SS18L1: variants seen among roughly 807,000 people sequenced by gnomAD.
SS18L1 encodes the protein SS18L1 subunit of BAF chromatin remodeling complex.
Under a neutral mutation model 70.3 loss-of-function variants are expected in SS18L1, and 32 were observed. The observed-to-expected ratio is 0.46, with a 90% CI of 0.34 to 0.61. The LOEUF is 0.61. SS18L1 is among the 20% of genes least tolerant of loss of function. The pLI is 0.01. For synonymous variants in SS18L1, 237 were observed against 229.7 expected, an observed-to-expected ratio of 1.03 and a Z score of -0.29; for missense variants, 430 against 542.1, an observed-to-expected ratio of 0.79 and a Z score of 2.05.
chr20:62,177,250 C>T (rs2057634991), intron 10 of SS18L1, among the ~76,000 whole-genome samples: 2 of 150,838 alleles, frequency 1.3e-5, no homozygotes, highest in East Asian at 1.9e-4. Context: ...TGTATTCCAG[C>T]ATGGGCAACA....
chr20:62,159,725 C>CTG lies in SS18L1; in HGVS notation c.147-148_147-147dup, dbSNP rs2057290283. 1.7e-5 allele frequency: 12 copies of CTG among 706,996 alleles called. No individual in the cohort carries two copies. Among genetic ancestry groups the CTG allele is most frequent in the Non-Finnish European group, 2.8e-5 (12 of 434,172 alleles). The allele number at this position is 706,996 out of a possible 1,614,324, so 43.8% of individuals were successfully genotyped here. On this transcript the variant is annotated intron_variant, in intron 2 of 10. Coordinates refer to ENST00000331758, the MANE Select transcript of SS18L1 (RefSeq NM_198935.3). This position sits in a 1 kb window ranked among gnomAD's most constrained non-coding sequence, Gnocchi z 4.4. ...GAGACCCCAGCACCCTGCCACCTGC[C>CTG]TGTGTCCAGCTGGGTGTCATCTGGG... is the stretch of plus-strand genomic sequence containing the variant.
intron 4 of SS18L1, among the ~76,000 whole-genome samples, chr20:62,162,357 A>G (rs1240127062): frequency 2.6e-5 from 4 of 152,048 alleles, no homozygotes; most frequent in Non-Finnish European, 4.4e-5. Flanking sequence ...CTGGAGTGCA[A>G]TGGGCATGAT....
chr20:62,174,854 C>G lies in SS18L1; in HGVS notation c.1164+210C>G. 1 of 1,442,892 alleles carries G rather than the reference C, an allele frequency of 6.9e-7. No homozygotes were observed. The highest frequency in any genetic ancestry group is 2.3e-5 in the Admixed American group (1 of 43,908). The allele number at this position is 1,442,892 out of a possible 1,614,324, so 89.4% of individuals were successfully genotyped here. A position where few individuals can be genotyped will look rare whatever the true frequency, so the allele number is the denominator to read the frequency against. ...CAGTCATCCAGCTGGCTTTTCATAC[C>G]CTAAGCTCACCGTTAGATCTGCACG... On this transcript the variant is annotated intron_variant, in intron 10 of 10. Transcript: ENST00000331758. This position sits in a 1 kb window ranked among gnomAD's most constrained non-coding sequence, Gnocchi z 4.1.
At position 62,179,243 on chromosome 20, in the gene SS18L1, C is replaced by A. The variant is rs778615184; in HGVS notation, c.*35C>A. 1 of 1,613,768 alleles carries A rather than the reference C, an allele frequency of 6.2e-7. No homozygotes were observed. On this transcript the variant is annotated 3_prime_UTR_variant, in exon 11 of 11. Coordinates refer to ENST00000331758, the MANE Select transcript of SS18L1 (RefSeq NM_198935.3). Reference sequence around the variant, plus strand: ...ATTCTGGCTGGAGCCCTTGTGGTAGCGTGTTCATCCAGGGGCCGGATGGGC... The same window carrying A: ...ATTCTGGCTGGAGCCCTTGTGGTAGAGTGTTCATCCAGGGGCCGGATGGGC...
chr20:62,167,722 G>C (rs899263962), intron 8 of SS18L1, among the ~76,000 whole-genome samples: 2 of 152,212 alleles, frequency 1.3e-5, no homozygotes, highest in African/African-American at 4.8e-5. Flanking sequence ...TCCATGGCGA[G>C]GTGTCCACAT....
At position 62,143,794 on chromosome 20, in the gene SS18L1, C is replaced by A; in HGVS notation, c.-27C>A. The A allele has an allele frequency of 7.4e-7, 1 of 1,342,978 alleles. No homozygotes were observed. The highest frequency in any genetic ancestry group is 2.2e-5 in the Admixed American group (1 of 44,644). 83.2% of individuals were successfully genotyped at this position (1,342,978 alleles called of 1,614,324 possible). ...GCAGCCGGAGTATCCACCTCGATGA[C>A]CACGGGCTGAGCCCCGCGCCGCCAC... is the stretch of plus-strand genomic sequence containing the variant. On this transcript the variant is annotated 5_prime_UTR_variant, in exon 1 of 11. Coordinates refer to ENST00000331758, the MANE Select transcript of SS18L1 (RefSeq NM_198935.3).
At chr20:62,165,358 G>A in intron 7 of SS18L1, 64 bp from the exon 8 acceptor site, 1 of 1,498,720 alleles carries the variant, frequency 6.7e-7, no homozygotes, top group Non-Finnish European at 9.1e-7. Context: ...GGTCTCAGTT[G>A]CCTCCTCCGG....
intron 6 of SS18L1, among the ~76,000 whole-genome samples, chr20:62,163,905 A>G (rs572814757): frequency 6.6e-6 from 1 of 152,238 alleles, no homozygotes; most frequent in South Asian, 2.1e-4. Flanking sequence ...TAGTCCGAGC[A>G]CTTTGGGAGG....
At chr20:62,154,338 T>A (rs900569252) in intron 1 of SS18L1, 3 of 1,048,634 alleles carry the variant, frequency 2.9e-6, no homozygotes, top group Non-Finnish European at 3.5e-6. Flanking sequence ...AAGGTGCGTT[T>A]TCCTAACTTG....
intron 1 of SS18L1, among the ~76,000 whole-genome samples, chr20:62,152,419 G>T (rs186863353): frequency 1.3e-5 from 2 of 152,176 alleles, no homozygotes; most frequent in African/African-American, 4.8e-5. Context: ...TGTCCCCAGC[G>T]CCCTCACCTC....
At chr20:62,163,147 C>T (rs994786415) in intron 5 of SS18L1, among the ~76,000 whole-genome samples, 8 of 152,284 alleles carry the variant, frequency 5.3e-5, no homozygotes, top group South Asian at 2.1e-4. Context: ...CCCAGCTTTG[C>T]GAGGGGCTGG....
At chr20:62,153,462 A>G (rs2057169908) in intron 1 of SS18L1, among the ~76,000 whole-genome samples, 1 of 151,866 alleles carries the variant, frequency 6.6e-6, no homozygotes, top group Non-Finnish European at 1.5e-5. Context: ...CCTGGTGACC[A>G]GGGAGAACAG....
At chr20:62,178,965 T>C (rs2057667333) in intron 10 of SS18L1, among the ~76,000 whole-genome samples, 1 of 152,208 alleles carries the variant, frequency 6.6e-6, no homozygotes, top group African/African-American at 2.4e-5. Context: ...GCGATGCCAG[T>C]GTGTGACTGA....
At chr20:62,150,633 A>AATTTTTTTTTTTTTTT (rs1199902967) in intron 1 of SS18L1, among the ~76,000 whole-genome samples, 5 of 58,030 alleles carry the variant, frequency 8.6e-5, no homozygotes, top group Admixed American at 4.5e-4. Flanking sequence ...ATTGAGGTGG[A>AATTTTTTTTTTTTTTT]TTTTTTTTTT....
chr20:62,164,767 A>C (rs192424543), intron 7 of SS18L1, among the ~76,000 whole-genome samples: 3 of 152,242 alleles, frequency 2.0e-5, no homozygotes, highest in Non-Finnish European at 4.4e-5. Context: ...AGCGGTTCAC[A>C]CCTGTCATTC....
At chr20:62,166,296 G>T (rs1275906655) in intron 8 of SS18L1, among the ~76,000 whole-genome samples, 1 of 152,238 alleles carries the variant, frequency 6.6e-6, no homozygotes, top group East Asian at 1.9e-4. Context: ...GACGCTGACC[G>T]GCAGGCAGCA....
intron 4 of SS18L1, among the ~76,000 whole-genome samples, chr20:62,162,030 G>T (rs1241649970): frequency 6.6e-6 from 1 of 151,990 alleles, no homozygotes. Context: ...AGACCAGCCT[G>T]GGCAATATGG....
chr20:62,173,971 G>A (rs886994195), intron 9 of SS18L1, among the ~76,000 whole-genome samples: 1 of 151,232 alleles, frequency 6.6e-6, no homozygotes, highest in African/African-American at 2.4e-5. Context: ...CCAAGATCAC[G>A]CCACTGCACT....
intron 5 of SS18L1, 33 bp from the exon 6 acceptor site, chr20:62,163,425 G>A (rs772066524): frequency 6.8e-6 from 11 of 1,610,446 alleles, no homozygotes; most frequent in South Asian, 2.2e-5. Flanking sequence ...GAGGCTTCCC[G>A]GGGTGATGTG....
Sources: gnomAD v4.1 joint callset for allele counts (sites outside exome capture counted in the v4.1 genomes callset) on GRCh38, gnomAD v4.1.1 for gene constraint, Gnocchi (gnomAD v3.1) non-coding constraint, MANE v1.5 for transcripts, NCBI Gene and HGNC (gene_info 2026-07-23, HGNC 2026-07-21) for gene names.